The following TMEM98 variants were observed in gnomAD, a reference collection of about 807,000 sequenced individuals.
The protein encoded by TMEM98 is transmembrane protein 98.
A neutral mutation model predicts 25.0 loss-of-function variants in TMEM98; 18 were observed. That is an observed-to-expected ratio of 0.72 (90% CI 0.50 to 1.07). TMEM98 has a LOEUF of 1.07. Ranked by LOEUF, TMEM98 falls within the 50% of genes least tolerant of loss-of-function variation. The pLI is 0.00. For missense variants in TMEM98, 241 were observed against 289.0 expected, an observed-to-expected ratio of 0.83 and a Z score of 1.20; for synonymous variants, 103 against 112.4, an observed-to-expected ratio of 0.92 and a Z score of 0.53.
chr17:32,936,492 G>A, intron 6 of TMEM98, 45 bp downstream of exon 6: 1 of 1,552,632 alleles, frequency 6.4e-7, no homozygotes, highest in Non-Finnish European at 8.9e-7. Flanking sequence ...CCTGAGGGAA[G>A]AGAGGGGCTG....
At chr17:32,936,123 GCTCCCACCCCAGGTCCT>G (rs2091494677) in intron 5 of TMEM98, among the ~76,000 whole-genome samples, 192 bp from the exon 6 acceptor site, 1 of 152,132 alleles carries the variant, frequency 6.6e-6, no homozygotes, top group African/African-American at 2.4e-5. Flanking sequence ...TTGATCTGCG[GCTCCCACCCCAGGTCCT>G]CTCCCAGCCA....
Position 32,941,198 on chromosome 17 carries a change from T to G in TMEM98, c.*205T>G. On this transcript the variant is annotated 3_prime_UTR_variant, in exon 8 of 8. Coordinates refer to ENST00000579849, the MANE Select transcript of TMEM98 (RefSeq NM_015544.3). Reference sequence around the variant, plus strand: ...TGGCTGGTGAGTGGCAGTCTAATACTACAGTTAGGGGAGATGCCATTCACT... The same window carrying G: ...TGGCTGGTGAGTGGCAGTCTAATACGACAGTTAGGGGAGATGCCATTCACT... The G allele has an allele frequency of 1.9e-6, 1 of 527,804 alleles. No homozygotes were observed. Among genetic ancestry groups the G allele is most frequent in the Non-Finnish European group, 3.4e-6 (1 of 297,100 alleles). 32.7% of individuals were successfully genotyped at this position (527,804 alleles called of 1,614,324 possible). A position where few individuals can be genotyped will look rare whatever the true frequency, so the allele number is the denominator to read the frequency against.
Position 32,939,492 on chromosome 17 carries a change from G to A in TMEM98, c.429G>A (p.Val143=). 1 of 1,614,022 alleles carries A rather than the reference G, an allele frequency of 6.2e-7. No homozygotes were observed. The highest frequency in any genetic ancestry group is 8.5e-7 in the Non-Finnish European group (1 of 1,179,952). ...KRISPRVDDV[V]KSMYPPLDPK... ...CTCCGGTCAGGGTGGATGATGTTGT[G>A]AAGTCGATGTACCCTCCGTTGGACC... The change falls in exon 7 of 8, where the codon GTG becomes GTA. Residue 143 remains valine (V), a synonymous_variant. Transcript: ENST00000579849.
intron 6 of TMEM98, among the ~76,000 whole-genome samples, chr17:32,938,029 T>C (rs29002): frequency 5.3e-5 from 8 of 151,986 alleles, no homozygotes; most frequent in African/African-American, 1.7e-4. Flanking sequence ...TTTCAGGAGG[T>C]TGAGGTTTCT....
At position 32,931,500 on chromosome 17, in the gene TMEM98, C is replaced by T. The variant is rs762146943; in HGVS notation, c.-29C>T. On this transcript the variant is annotated 5_prime_UTR_variant, in exon 3 of 8. Transcript: ENST00000579849. ...CTTTAGCCCATGAGGAGGATGTGAC[C>T]GGGACTGAGTCAGGAGCCCTCTGGA... 4.4e-6 allele frequency: 7 copies of T among 1,599,782 alleles called. No homozygotes were observed. Among genetic ancestry groups the T allele is most frequent in the East Asian group, 2.2e-5 (1 of 44,606 alleles).
intron 1 of TMEM98, 44 bp downstream of exon 1, chr17:32,928,281 G>A (rs1374369496): frequency 1.3e-5 from 2 of 149,902 alleles, no homozygotes; most frequent in Non-Finnish European, 3.0e-5. Flanking sequence ...GCGAGTCGGG[G>A]AAGGGGACGC....
Position 32,940,746 on chromosome 17 carries a change from T to C in TMEM98, c.474-40T>C, listed in dbSNP as rs2091525095. The C allele has an allele frequency of 3.8e-6, 6 of 1,589,654 alleles. No homozygotes were observed. In the South Asian group the frequency reaches 4.6e-5, roughly 12 times the overall value. On this transcript the variant is annotated intron_variant, in intron 7 of 7. Transcript: ENST00000579849. ...TTGGGCTTTTGTGCAAAGTCCCTCA[T>C]TTCCTAGGAAACCTGACCCTATTTT...
intron 6 of TMEM98, among the ~76,000 whole-genome samples, chr17:32,937,591 A>G (rs901618820): frequency 6.6e-6 from 1 of 151,482 alleles, no homozygotes; most frequent in South Asian, 2.1e-4. Context: ...CCATTATTTT[A>G]TTTATTTATT....
At chr17:32,938,566 A>C (rs1301213429) in intron 6 of TMEM98, among the ~76,000 whole-genome samples, 2 of 152,250 alleles carry the variant, frequency 1.3e-5, no homozygotes, top group African/African-American at 4.8e-5. Context: ...TGATTTAAAA[A>C]AATTAACCAC....
chr17:32,931,438 C>T, intron 2 of TMEM98, 36 bp downstream of exon 2: 1 of 1,511,038 alleles, frequency 6.6e-7, no homozygotes, highest in East Asian at 2.4e-5. Context: ...TTCGTGGCTT[C>T]TTGACCAGAT....
Position 32,942,058 on chromosome 17 carries a change from A to G in TMEM98, c.*1065A>G, listed in dbSNP as rs939931037. On this transcript the variant is annotated 3_prime_UTR_variant, in exon 8 of 8. Transcript: ENST00000579849. The stretch of plus-strand genomic sequence containing the variant: ...CCATGTCTCCAAAACATACATATAT[A>G]TAAAATATATTTAAAGACCTCTTGG... 1.3e-5 allele frequency: 2 copies of G among 152,180 alleles called. No individual in the cohort carries two copies. The highest frequency in any genetic ancestry group is 4.8e-5 in the African/African-American group (2 of 41,438). 9.4% of individuals were successfully genotyped at this position (152,180 alleles called of 1,614,324 possible). A position where few individuals can be genotyped will look rare whatever the true frequency, so the allele number is the denominator to read the frequency against.
At chr17:32,928,585 C>T (rs2091445806) in intron 1 of TMEM98, among the ~76,000 whole-genome samples, 1 of 151,670 alleles carries the variant, frequency 6.6e-6, no homozygotes, top group Non-Finnish European at 1.5e-5. Context: ...GAGAAAGAGA[C>T]GGAGAAAAAC....
intron 6 of TMEM98, 98 bp downstream of exon 6, chr17:32,936,545 T>C: frequency 1.0e-6 from 1 of 981,360 alleles, no homozygotes. Context: ...TATAAAATGG[T>C]GCACAGGCAA....
chr17:32,936,640 C>T (rs2091498192), intron 6 of TMEM98, among the ~76,000 whole-genome samples, 193 bp downstream of exon 6: 2 of 152,316 alleles, frequency 1.3e-5, no homozygotes, highest in Admixed American at 1.3e-4. Flanking sequence ...GGGCTTCCAC[C>T]ATCCCCACCT....
intron 6 of TMEM98, among the ~76,000 whole-genome samples, chr17:32,938,167 T>C (rs1172825874): frequency 6.6e-6 from 1 of 152,210 alleles, no homozygotes; most frequent in Non-Finnish European, 1.5e-5. Flanking sequence ...TCTAGAATGC[T>C]CCGTGCCATA....
chr17:32,933,179 T>C lies in TMEM98; in HGVS notation c.137T>C (p.Ile46Thr), dbSNP rs760360551. 2 of 1,613,936 alleles carry C rather than the reference T, an allele frequency of 1.2e-6. No individual in the cohort carries two copies. Among genetic ancestry groups the C allele is most frequent in the Admixed American group, 3.3e-5 (2 of 59,984 alleles). ...ACGGGGGCCTTTTCTTCCAGGCCCA[T>C]TGTGGACCTCATTGGTGCCATGGAG... Reference protein sequence around the residue: ...DLLQRYDSKPIVDLIGAMETQ... With the variant: ...DLLQRYDSKPTVDLIGAMETQ... The change falls in exon 4 of 8, where the codon ATT (isoleucine) becomes ACT (threonine). Residue 46 changes from isoleucine (I) to threonine (T), a missense_variant. Transcript: ENST00000579849.
chr17:32,932,811 A>G (rs1275213729), intron 3 of TMEM98, among the ~76,000 whole-genome samples: 1 of 152,238 alleles, frequency 6.6e-6, no homozygotes, highest in Non-Finnish European at 1.5e-5. Flanking sequence ...GCCTCTCTGT[A>G]AAATGTAGGA....
chr17:32,936,357 T>C lies in TMEM98; in HGVS notation c.323T>C (p.Leu108Pro). 6.2e-7 allele frequency: 1 copy of C among 1,614,172 alleles called. No individual in the cohort carries two copies. Among genetic ancestry groups the C allele is most frequent in the East Asian group, 2.2e-5 (1 of 44,886 alleles). ...LKICHTLTEK[L>P]VAMTMGSGAK... ...ATTTGTCACACTCTGACAGAGAAGC[T>C]TGTTGCCATGACAATGGGCTCTGGG... Residue 108 changes from leucine to proline, a missense_variant, in exon 6 of 8, where the codon CTT becomes CCT. Coordinates refer to ENST00000579849, the MANE Select transcript of TMEM98 (RefSeq NM_015544.3).
intron 6 of TMEM98, among the ~76,000 whole-genome samples, chr17:32,939,057 A>G (rs2091513021): frequency 1.3e-5 from 2 of 152,154 alleles, no homozygotes; most frequent in Admixed American, 1.3e-4. Flanking sequence ...TGGAGAAAGA[A>G]CCATTAAAGA....
Sources: gnomAD v4.1 joint callset for allele counts (sites outside exome capture counted in the v4.1 genomes callset) on GRCh38, gnomAD v4.1.1 for gene constraint, MANE v1.5 for transcripts, NCBI Gene and HGNC (gene_info 2026-07-23, HGNC 2026-07-21) for gene names.